Variants in OTOP3 observed in about 807,000 individuals in gnomAD.
OTOP3 encodes otopetrin 3, also known as proton channel OTOP3.
A neutral mutation model predicts 50.8 loss-of-function variants in OTOP3; 41 were observed. The observed-to-expected ratio is 0.81, with a 90% CI of 0.63 to 1.05. The LOEUF (loss-of-function observed/expected upper bound fraction) is 1.05. Among genes scored for constraint, OTOP3 ranks in the 50% least tolerant of loss-of-function variants. OTOP3 has a pLI of 0.00. For missense variants in OTOP3, 788 were observed against 760.8 expected, an observed-to-expected ratio of 1.04 and a Z score of -0.42; for synonymous variants, 320 against 324.4, an observed-to-expected ratio of 0.99 and a Z score of 0.14.
Position 74,936,954 on chromosome 17 carries a change from CCCCA to C in OTOP3, c.19+1018_19+1021del, listed in dbSNP as rs1322890456. On this transcript the variant is annotated intron_variant, in intron 1 of 6. Coordinates refer to ENST00000328801, the MANE Select transcript of OTOP3 (RefSeq NM_001272005.2). ...AGCCCCTATTCGGCATTCATCACCCCCCCACCCTTTTTTTTTTTTTTTTTTTGAG... is the reference window on the plus strand; with the variant it reads ...AGCCCCTATTCGGCATTCATCACCCCCCCTTTTTTTTTTTTTTTTTTTGAG... 5.4e-3 allele frequency among the ~76,000 whole-genome samples: 509 copies of C among 95,014 alleles called. 8 individuals carry two copies. The highest frequency in any genetic ancestry group is 0.017 in the African/African-American group (473 of 27,276). 62.3% of individuals were successfully genotyped at this position (95,014 alleles called of 152,430 possible). A position where few individuals can be genotyped will look rare whatever the true frequency, so the allele number is the denominator to read the frequency against.
chr17:74,945,940 T>G (rs765730670), intron 5 of OTOP3, among the ~76,000 whole-genome samples: 15 of 151,630 alleles, frequency 9.9e-5, no homozygotes, highest in African/African-American at 2.4e-5. Context: ...ATGTGTGCCA[T>G]CCGGCTAATG....
chr17:74,948,426 T>A (rs979641130), intron 6 of OTOP3, among the ~76,000 whole-genome samples: 17 of 152,174 alleles, frequency 1.1e-4, no homozygotes, highest in African/African-American at 4.1e-4. Context: ...TTCGGGAGAC[T>A]GAGGTGAGTG....
intron 1 of OTOP3, among the ~76,000 whole-genome samples, chr17:74,937,106 G>A (rs1185576980): frequency 6.6e-6 from 1 of 151,832 alleles, no homozygotes; most frequent in African/African-American, 2.4e-5. Flanking sequence ...GGGACTACAG[G>A]TGCATGCCAC....
At position 74,947,434 on chromosome 17, in the gene OTOP3, CTCAAGGAGA is replaced by C; in HGVS notation, c.1528_1536del (p.Lys510_Ile512del). On this transcript the variant is annotated inframe_deletion, in exon 6 of 7. Transcript: ENST00000328801. ...CCACCTCAACTGGAAGCGGAGGGCACTCAAGGAGATCTCACTCTTCCTCATCCTCTGCAA... is the reference window on the plus strand; with the variant it reads ...CCACCTCAACTGGAAGCGGAGGGCACTCTCACTCTTCCTCATCCTCTGCAA... 2 of 1,611,054 alleles carry C rather than the reference CTCAAGGAGA, an allele frequency of 1.2e-6. No homozygotes were observed. Among genetic ancestry groups the C allele is most frequent in the Non-Finnish European group, 1.7e-6 (2 of 1,178,688 alleles).
Position 74,941,675 on chromosome 17 carries a change from G to A in OTOP3, c.302G>A (p.Gly101Asp). ...TTCAACAAGGTGGCCGTCACTCTGG[G>A]TGACGTGTGGATCCTGCTGGCCACG... ...MIFNKVAVTL[G>D]DVWILLATLK... Residue 101 changes from glycine to aspartate, a missense_variant, in exon 2 of 7, where the codon GGT becomes GAT. By Grantham distance (94) the Gly-to-Asp change is moderately conservative. Coordinates refer to ENST00000328801, the MANE Select transcript of OTOP3 (RefSeq NM_001272005.2). The A allele has an allele frequency of 6.2e-7, 1 of 1,614,178 alleles. No homozygotes were observed. Among genetic ancestry groups the A allele is most frequent in the Non-Finnish European group, 8.5e-7 (1 of 1,180,018 alleles).
chr17:74,947,092 A>C lies in OTOP3; in HGVS notation c.1183A>C (p.Ser395Arg), dbSNP rs1453406455. ...GGACACGGTCAAGAACCCTACCCGC[A>C]GCCTGGATGTGGTGCTGCTAATGGG... is the stretch of plus-strand genomic sequence containing the variant. ...ELDTVKNPTRSLDVVLLMGAA... is the reference protein window; with the variant it reads ...ELDTVKNPTRRLDVVLLMGAA... The change falls in exon 6 of 7, where the codon AGC becomes CGC. Residue 395 changes from serine (S) to arginine (R), a missense_variant. Ser to Arg is a moderately radical substitution (Grantham distance 110, BLOSUM62 -1). Coordinates refer to ENST00000328801, the MANE Select transcript of OTOP3 (RefSeq NM_001272005.2). The C allele has an allele frequency of 6.2e-7, 1 of 1,614,128 alleles. No homozygotes were observed. The highest frequency in any genetic ancestry group is 1.1e-5 in the South Asian group (1 of 91,090).
chr17:74,941,909 G>T lies in OTOP3; in HGVS notation c.445G>T (p.Val149Leu). The T allele has an allele frequency of 6.2e-7, 1 of 1,608,078 alleles. No homozygotes were observed. The change falls in exon 3 of 7, where the codon GTG (valine) becomes TTG (leucine). Residue 149 changes from valine (V) to leucine (L), a missense_variant. Transcript: ENST00000328801. ...CCCACATGTCCGGCCAGGTTCCCTA[G>T]TGCTCTTCGGCAGCTGCACCTTCTG... ...AGPLWVRGSL[V>L]LFGSCTFCLN...
Position 74,947,371 on chromosome 17 carries a change from C to G in OTOP3, c.1462C>G (p.Leu488Val). Reference protein sequence around the residue: ...RGSLLELGQGLQRASLAYIHS... With the variant: ...RGSLLELGQGVQRASLAYIHS... ...CTCCTTGCTGGAGCTGGGCCAGGGC[C>G]TGCAGCGGGCCTCACTGGCCTACAT... Residue 488 changes from leucine to valine, a missense_variant, in exon 6 of 7, where the codon CTG becomes GTG. Leu to Val is a conservative substitution (Grantham distance 32). Coordinates refer to ENST00000328801, the MANE Select transcript of OTOP3 (RefSeq NM_001272005.2). 6.2e-7 allele frequency: 1 copy of G among 1,613,118 alleles called. No homozygotes were observed. The highest frequency in any genetic ancestry group is 8.5e-7 in the Non-Finnish European group (1 of 1,180,014).
At position 74,947,472 on chromosome 17, in the gene OTOP3, C is replaced by G. The variant is rs775890415; in HGVS notation, c.1563C>G (p.Ile521Met). The G allele has an allele frequency of 2.5e-6, 4 of 1,595,276 alleles. No individual in the cohort carries two copies. The South Asian group carries it at 4.5e-5, about 18-fold the overall frequency. ...EISLFLILCN[I>M]TLWMMPAFGI... Reference sequence around the variant, plus strand: ...CACTCTTCCTCATCCTCTGCAATATCACAGTAAGTGGCTGGGCTAAGGGGC... The same window carrying G: ...CACTCTTCCTCATCCTCTGCAATATGACAGTAAGTGGCTGGGCTAAGGGGC... The change falls in exon 6 of 7, where the codon ATC (isoleucine) becomes ATG (methionine). Residue 521 changes from isoleucine (I) to methionine (M), a missense_variant. By Grantham distance (10) the Ile-to-Met change is conservative. Coordinates refer to ENST00000328801, the MANE Select transcript of OTOP3 (RefSeq NM_001272005.2).
At chr17:74,942,953 G>A (rs913969142) in intron 3 of OTOP3, among the ~76,000 whole-genome samples, 3 of 152,122 alleles carry the variant, frequency 2.0e-5, no homozygotes, top group Admixed American at 2.0e-4. Context: ...AAACAAAAAA[G>A]AAAAGAATAC....
chr17:74,942,139 C>G, intron 3 of OTOP3, 102 bp downstream of exon 3: 2 of 1,406,924 alleles, frequency 1.4e-6, no homozygotes, highest in South Asian at 2.7e-5. Context: ...GCCACACAGG[C>G]AAATACCTAA....
Position 74,947,395 on chromosome 17 carries a change from A to G in OTOP3, c.1486A>G (p.Ile496Val). ...QGLQRASLAY[I>V]HSYSHLNWKR... ...CCTGCAGCGGGCCTCACTGGCCTAC[A>G]TCCACTCCTACAGCCACCTCAACTG... Residue 496 changes from isoleucine (I) to valine (V), a missense_variant, in exon 6 of 7, where the codon ATC becomes GTC. Ile to Val is a conservative substitution (Grantham distance 29, BLOSUM62 3). Transcript: ENST00000328801. The G allele has an allele frequency of 6.2e-7, 1 of 1,613,076 alleles. No homozygotes were observed. The highest frequency in any genetic ancestry group is 1.1e-5 in the South Asian group (1 of 91,082).
Position 74,936,036 on chromosome 17 carries a change from G to C in OTOP3, c.19+96G>C, listed in dbSNP as rs1012864314. 7 of 1,507,650 alleles carry C rather than the reference G, an allele frequency of 4.6e-6. No homozygotes were observed. In the Admixed American group the frequency reaches 8.0e-5, roughly 17 times the overall value. 93.4% of individuals were successfully genotyped at this position (1,507,650 alleles called of 1,614,324 possible). ...CCCAAAAGGGGGGTTCACAAGTAGG[G>C]GCTGCAGGGATTGGAACGGGAAAGC... On this transcript the variant is annotated intron_variant, in intron 1 of 6. Coordinates refer to ENST00000328801, the MANE Select transcript of OTOP3 (RefSeq NM_001272005.2).
Position 74,949,820 on chromosome 17 carries a change from A to G in OTOP3, c.*404A>G, listed in dbSNP as rs894466859. ...TCAGAGGTCTGCCCCCTGCTGCGAGAAGAGCACCTGGTCCAAGTGTGGCTC... is the reference window on the plus strand; with the variant it reads ...TCAGAGGTCTGCCCCCTGCTGCGAGGAGAGCACCTGGTCCAAGTGTGGCTC... On this transcript the variant is annotated 3_prime_UTR_variant, in exon 7 of 7. Transcript: ENST00000328801. 3 of 164,782 alleles carry G rather than the reference A, an allele frequency of 1.8e-5. No individual in the cohort carries two copies. The Admixed American group carries it at 1.9e-4, about 10-fold the overall frequency. 10.2% of individuals were successfully genotyped at this position (164,782 alleles called of 1,614,324 possible).
chr17:74,940,501 G>A (rs1051707376), intron 1 of OTOP3, among the ~76,000 whole-genome samples: 2 of 152,166 alleles, frequency 1.3e-5, no homozygotes, highest in African/African-American at 4.8e-5. Context: ...TCCATGGCCT[G>A]TTAGGAACCA....
chr17:74,936,399 C>G (rs1161314345), intron 1 of OTOP3, among the ~76,000 whole-genome samples: 2 of 152,194 alleles, frequency 1.3e-5, no homozygotes, highest in Non-Finnish European at 2.9e-5. Flanking sequence ...GCGCCGGGCC[C>G]GACGGCTCCG....
intron 2 of OTOP3, 34 bp from the exon 3 acceptor site, chr17:74,941,867 G>A (rs763322900): frequency 1.5e-5 from 24 of 1,591,946 alleles, no homozygotes; most frequent in Admixed American, 6.8e-5. Context: ...CCGGTTCCGC[G>A]CAGGTGCCAA....
In OTOP3 at chr17:74,946,944, T is replaced by G. The variant is rs1598607724; in HGVS notation, c.1035T>G (p.Ser345Arg). Reference protein sequence around the residue: ...CVFVLFQIEASGPAIACQYFT... With the variant: ...CVFVLFQIEARGPAIACQYFT... ...TTGTGCTCTTCCAAATCGAGGCCAGTGGCCCTGCCATTGCTTGCCAGTACT... is the reference window on the plus strand; with the variant it reads ...TTGTGCTCTTCCAAATCGAGGCCAGGGGCCCTGCCATTGCTTGCCAGTACT... The change falls in exon 6 of 7, where the codon AGT (serine) becomes AGG (arginine). Residue 345 changes from serine to arginine, a missense_variant. By Grantham distance (110) the Ser-to-Arg change is moderately radical (BLOSUM62 -1). Transcript: ENST00000328801. The G allele has an allele frequency of 6.2e-7, 1 of 1,613,118 alleles. No homozygotes were observed. Among genetic ancestry groups the G allele is most frequent in the Non-Finnish European group, 8.5e-7 (1 of 1,179,952 alleles).
At chr17:74,949,172 G>A in intron 6 of OTOP3, 74 bp from the exon 7 acceptor site, 1 of 1,522,530 alleles carries the variant, frequency 6.6e-7, no homozygotes, top group Non-Finnish European at 9.0e-7. Flanking sequence ...CAGGTTTGGG[G>A]GCTGCCTCCC....
Sources: allele counts gnomAD v4.1 joint callset (sites outside exome capture counted in the v4.1 genomes callset), GRCh38; gene constraint gnomAD v4.1.1; transcripts MANE v1.5; gene names NCBI Gene and HGNC (gene_info 2026-07-23, HGNC 2026-07-21).